The following PIK3CB variants were observed in gnomAD, a reference collection of about 807,000 sequenced individuals.
PIK3CB encodes the protein phosphatidylinositol-4,5-bisphosphate 3-kinase catalytic subunit beta.
A neutral mutation model predicts 136.8 loss-of-function variants in PIK3CB; 39 were observed. The observed-to-expected ratio is 0.29, with a 90% CI of 0.22 to 0.37. PIK3CB has a LOEUF of 0.37. PIK3CB is among the 10% of genes least tolerant of loss of function. The pLI, the probability that PIK3CB is intolerant of heterozygous loss-of-function variation, is 1.00. For synonymous variants in PIK3CB, 428 were observed against 436.6 expected (o/e 0.98, Z 0.25); for missense variants, 868 against 1,275.4 (o/e 0.68, Z 4.87).
At chr3:138,749,879 T>C (rs1412352299) in intron 4 of PIK3CB, among the ~76,000 whole-genome samples, 1 of 152,172 alleles carries the variant, frequency 6.6e-6, no homozygotes, top group Non-Finnish European at 1.5e-5. Context: ...TGATAGAGTT[T>C]TTTTGTTTGT....
In PIK3CB at chr3:138,690,946, G is replaced by A. The variant is rs922049055; in HGVS notation, c.2036+54C>T. The A allele has an allele frequency of 2.7e-5, 38 of 1,388,288 alleles. No homozygotes were observed. The South Asian group carries it at 4.8e-4, about 17-fold the overall frequency. 86.0% of individuals were successfully genotyped at this position (1,388,288 alleles called of 1,614,324 possible). On this transcript the variant is annotated intron_variant, in intron 15 of 23. Transcript: ENST00000674063. ...TTTTTCTATTAAATATATTATGCTT[G>A]TTTATAGTTACTAAAGCACCTGGTG...
At chr3:138,754,979 C>T (rs903250039) in intron 4 of PIK3CB, among the ~76,000 whole-genome samples, 2 of 152,168 alleles carry the variant, frequency 1.3e-5, no homozygotes, top group African/African-American at 4.8e-5. Context: ...GCCCCTGAGA[C>T]TCCTAATGTT....
chr3:138,798,914 G>A (rs1200261359), intron 1 of PIK3CB, among the ~76,000 whole-genome samples: 1 of 151,800 alleles, frequency 6.6e-6, no homozygotes, highest in Non-Finnish European at 1.5e-5. Context: ...GCTATACAAA[G>A]TCTCATGTCT....
chr3:138,832,233 C>A (rs1934069019), intron 1 of PIK3CB, among the ~76,000 whole-genome samples: 1 of 152,064 alleles, frequency 6.6e-6, no homozygotes, highest in African/African-American at 2.4e-5. Flanking sequence ...GAAAGATAGG[C>A]AAGAGGTGCA....
chr3:138,739,688 C>G lies in PIK3CB; in HGVS notation c.622-1802G>C, dbSNP rs186623621. 2.1e-3 allele frequency among the ~76,000 whole-genome samples: 316 copies of G among 150,076 alleles called. 4 individuals carry two copies. Among genetic ancestry groups the G allele is most frequent in the African/African-American group, 7.5e-3 (307 of 40,890 alleles). ...GGCCGAGGCGGGCGGATCACTTAAGCTCAGGAGCTCAAGACCAGCCTGGCA... is the reference window on the plus strand; with the variant it reads ...GGCCGAGGCGGGCGGATCACTTAAGGTCAGGAGCTCAAGACCAGCCTGGCA... On this transcript the variant is annotated intron_variant, in intron 5 of 23. Coordinates refer to ENST00000674063, the MANE Select transcript of PIK3CB (RefSeq NM_006219.3).
intron 4 of PIK3CB, among the ~76,000 whole-genome samples, chr3:138,753,326 G>C (rs1298007951): frequency 1.3e-5 from 2 of 152,126 alleles, no homozygotes; most frequent in African/African-American, 4.8e-5. Context: ...TTTGAGACCA[G>C]CCTGTCCAAC....
At chr3:138,825,410 A>C in intron 1 of PIK3CB, 2 of 656,084 alleles carry the variant, frequency 3.0e-6, no homozygotes, top group East Asian at 5.1e-5. Flanking sequence ...AACAAAATGG[A>C]TTCCACTGAG....
At chr3:138,661,659 T>TGGTGC (rs1360758226) in intron 21 of PIK3CB, among the ~76,000 whole-genome samples, 1 of 152,248 alleles carries the variant, frequency 6.6e-6, no homozygotes, top group Admixed American at 6.5e-5. Flanking sequence ...CAATCGTACA[T>TGGTGC]GGTGCATTCA....
intron 19 of PIK3CB, among the ~76,000 whole-genome samples, chr3:138,674,082 G>A (rs550898789): frequency 2.0e-5 from 3 of 152,018 alleles, no homozygotes; most frequent in African/African-American, 4.8e-5. Context: ...GAACCAACAA[G>A]CTAACTGAAA....
intron 19 of PIK3CB, among the ~76,000 whole-genome samples, chr3:138,678,822 T>C (rs1381412204): frequency 6.6e-6 from 1 of 152,168 alleles, no homozygotes; most frequent in Admixed American, 6.6e-5. Context: ...AAACCTTGTA[T>C]AGATTTACAA....
At chr3:138,700,144 C>T (rs557187636) in intron 12 of PIK3CB, among the ~76,000 whole-genome samples, 39 of 152,250 alleles carry the variant, frequency 2.6e-4, no homozygotes, top group African/African-American at 9.4e-4. Context: ...ATCACTTGAG[C>T]TCAGGAGGTT....
At chr3:138,693,963 A>ATC (rs1423005921) in intron 14 of PIK3CB, among the ~76,000 whole-genome samples, 1 of 35,288 alleles carries the variant, frequency 2.8e-5, no homozygotes, top group African/African-American at 2.2e-4. Flanking sequence ...ATATATATAT[A>ATC]TATTATATAT....
At chr3:138,718,590 C>G (rs1034867361) in intron 8 of PIK3CB, among the ~76,000 whole-genome samples, 4 of 152,126 alleles carry the variant, frequency 2.6e-5, no homozygotes, top group African/African-American at 9.7e-5. Flanking sequence ...AATTTTTGCC[C>G]ATTCCTAAGT....
At chr3:138,683,119 G>A (rs569938832) in intron 18 of PIK3CB, among the ~76,000 whole-genome samples, 7 of 152,078 alleles carry the variant, frequency 4.6e-5, no homozygotes, top group East Asian at 1.9e-4. Flanking sequence ...TTGAAAGGCC[G>A]GGGTGGGTAA....
At chr3:138,748,712 G>C (rs1293863025) in intron 4 of PIK3CB, among the ~76,000 whole-genome samples, 1 of 152,034 alleles carries the variant, frequency 6.6e-6, no homozygotes, top group African/African-American at 2.4e-5. Context: ...GTAGAGAATG[G>C]GTCAGGTAAA....
intron 19 of PIK3CB, among the ~76,000 whole-genome samples, chr3:138,668,553 C>G (rs2043461875): frequency 6.6e-6 from 1 of 152,186 alleles, no homozygotes; most frequent in Non-Finnish European, 1.5e-5. Flanking sequence ...GACTCTCTGA[C>G]TGAAGTAGCA....
chr3:138,714,733 G>A lies in PIK3CB; in HGVS notation c.1051-14C>T. ...CCTGACATGAACCTGTAACGAAGCA[G>A]ACAAAAACAAAAACAAAGTCATGAA... is the stretch of plus-strand genomic sequence containing the variant. On this transcript the variant is annotated splice_polypyrimidine_tract_variant and intron_variant, in intron 8 of 23. Transcript: ENST00000674063. 6.4e-7 allele frequency: 1 copy of A among 1,562,320 alleles called. No individual in the cohort carries two copies.
At chr3:138,756,067 TA>T in intron 3 of PIK3CB, 88 bp from the exon 4 acceptor site, 2 of 555,654 alleles carry the variant, frequency 3.6e-6, no homozygotes. Flanking sequence ...GCACTGTTTG[TA>T]AAAATAAAAA....
intron 13 of PIK3CB, among the ~76,000 whole-genome samples, chr3:138,695,265 A>C (rs2044111234): frequency 6.6e-6 from 1 of 152,318 alleles, no homozygotes; most frequent in Middle Eastern, 3.4e-3. Context: ...CCTAAGTACC[A>C]CTGACATCAA....
Sources: allele counts gnomAD v4.1 joint callset (sites outside exome capture counted in the v4.1 genomes callset), GRCh38; gene constraint gnomAD v4.1.1; transcripts MANE v1.5; gene names NCBI Gene and HGNC (gene_info 2026-07-23, HGNC 2026-07-21).